ZSCAN31: variants seen among roughly 807,000 people sequenced by gnomAD.
The protein encoded by ZSCAN31 is zinc finger and SCAN domain-containing protein 31.
A neutral mutation model predicts 22.5 loss-of-function variants in ZSCAN31; 14 were observed. The ratio of observed to expected loss-of-function variants is 0.62; its 90% CI spans 0.41 to 0.97. The LOEUF (loss-of-function observed/expected upper bound fraction) is 0.97, where lower values mean the gene tolerates loss of function less well. ZSCAN31 is among the 50% of genes least tolerant of loss of function. The probability of loss-of-function intolerance (pLI) is 0.00; values close to 1 mark genes in which losing one functional copy is unlikely to be tolerated. For synonymous variants in ZSCAN31, 168 were observed against 169.8 expected, an observed-to-expected ratio of 0.99 and a Z score of 0.08; for missense variants, 424 against 483.4, an observed-to-expected ratio of 0.88 and a Z score of 1.15.
upstream of ZSCAN31, among the ~76,000 whole-genome samples, chr6:28,339,441 A>G (rs1764326640): frequency 6.6e-6 from 1 of 152,084 alleles, no homozygotes; most frequent in Admixed American, 6.6e-5. Flanking sequence ...GGCATGTGCC[A>G]CCACGCCTGG....
intron 2 of ZSCAN31, among the ~76,000 whole-genome samples, chr6:28,352,283 T>G (rs1395920684): frequency 6.6e-6 from 1 of 152,164 alleles, no homozygotes; most frequent in Non-Finnish European, 1.5e-5. Context: ...ATTGATGTAT[T>G]AAAAGTCCCA....
rs1203243606 is a variant in ZSCAN31, at chr6:28,325,881, G to T, written c.*285C>A. On this transcript the variant is annotated 3_prime_UTR_variant, in exon 4 of 4. Coordinates refer to ENST00000344279, the MANE Select transcript of ZSCAN31 (RefSeq NM_030899.5). ...GCCTTTAAAGGAAATCATAAGAAAT[G>T]GACCAAAGGCTAGGGAATAAGAAGG... is the stretch of plus-strand genomic sequence containing the variant. 3.7e-6 allele frequency: 1 copy of T among 270,684 alleles called. No individual in the cohort carries two copies. The highest frequency in any genetic ancestry group is 7.0e-6 in the Non-Finnish European group (1 of 141,946). The allele number at this position is 270,684 out of a possible 1,614,324, so 16.8% of individuals were successfully genotyped here. A position where few individuals can be genotyped will look rare whatever the true frequency, so the allele number is the denominator to read the frequency against.
intron 2 of ZSCAN31, among the ~76,000 whole-genome samples, chr6:28,348,821 T>C (rs541567286): frequency 5.5e-4 from 84 of 152,262 alleles, no homozygotes; most frequent in African/African-American, 1.9e-3. Context: ...TAGGAAGGAA[T>C]GATATCTTTA....
chr6:28,337,794 C>T (rs925043880), upstream of ZSCAN31: 7 of 152,288 alleles, frequency 4.6e-5, no homozygotes, highest in East Asian at 1.4e-3. Flanking sequence ...GGTGTAATAG[C>T]TCACGCCTGT....
At chr6:28,338,168 G>A (rs907795415), upstream of ZSCAN31, among the ~76,000 whole-genome samples, 2 of 152,122 alleles carry the variant, frequency 1.3e-5, no homozygotes, top group Non-Finnish European at 2.9e-5. Flanking sequence ...GGAGGCTGAG[G>A]CAGGCAGATT....
chr6:28,343,125 ACT>A (rs1764482773), intron 2 of ZSCAN31, among the ~76,000 whole-genome samples: 1 of 152,044 alleles, frequency 6.6e-6, no homozygotes, highest in African/African-American at 2.4e-5. Flanking sequence ...GTCCACAGAC[ACT>A]CTCTGCCTGC....
At chr6:28,341,602 C>T (rs1385630136) in intron 3 of ZSCAN31, 1 of 152,194 alleles carries the variant, frequency 6.6e-6, no homozygotes, top group African/African-American at 2.4e-5. Flanking sequence ...TCATGTCAGC[C>T]CTTCCCCCAA....
chr6:28,335,668 A>G (rs1764105171), intron 1 of ZSCAN31, among the ~76,000 whole-genome samples: 1 of 152,128 alleles, frequency 6.6e-6, no homozygotes, highest in South Asian at 2.1e-4. Context: ...AGCTGAGTCA[A>G]GCGTTCGCCA....
At chr6:28,356,009 G>C (rs1307722722), upstream of ZSCAN31, 1 of 152,284 alleles carries the variant, frequency 6.6e-6, no homozygotes, top group Non-Finnish European at 1.5e-5. Flanking sequence ...AGCGGCCGAT[G>C]CCGAGGTCCA....
At position 28,326,628 on chromosome 6, in the gene ZSCAN31, T is replaced by C. The variant is rs762807134; in HGVS notation, c.759A>G (p.Val253=). The C allele has an allele frequency of 1.2e-6, 2 of 1,613,990 alleles. No individual in the cohort carries two copies. The highest frequency in any genetic ancestry group is 1.3e-5 in the African/African-American group (1 of 74,896). Residue 253 remains valine (V), a synonymous_variant, in exon 4 of 4, where the codon GTA becomes GTG. Coordinates refer to ENST00000344279, the MANE Select transcript of ZSCAN31 (RefSeq NM_030899.5). ...TGTGGATTCTCTGGTGCTCAATGAGTACTGAACTCTTAGTGAAGCTTTTCC... is the reference window on the plus strand; with the variant it reads ...TGTGGATTCTCTGGTGCTCAATGAGCACTGAACTCTTAGTGAAGCTTTTCC... The part of the protein sequence containing the change: ...ECGKSFTKSS[V]LIEHQRIHTG...
In ZSCAN31 at chr6:28,344,125, G is replaced by A. The variant is rs187921918; in HGVS notation, c.-370-2333C>T. Among the ~76,000 whole-genome samples, 65 of 152,210 alleles carry A rather than the reference G, an allele frequency of 4.3e-4. 3 individuals carry two copies. The East Asian group carries it at 0.011, about 26-fold the overall frequency. ...CCACATGAGCAAAATGTGATATGTT[G>A]GAGGCCTTGATAAGATACATTTTCT... On this transcript the variant is annotated intron_variant, in intron 2 of 7. Coordinates refer to the ZSCAN31 transcript ENST00000396838.
chr6:28,329,734 T>G lies in ZSCAN31; in HGVS notation c.-51A>C. 6.5e-7 allele frequency: 1 copy of G among 1,537,316 alleles called. No homozygotes were observed. The highest frequency in any genetic ancestry group is 8.7e-7 in the Non-Finnish European group (1 of 1,146,222). On this transcript the variant is annotated 5_prime_UTR_variant, in exon 2 of 4. Transcript: ENST00000344279. ...CTCTGGCTTTAAGTAAAGGGATAAC[T>G]GTGATTTAAAATTTTCTGATTTAAT...
chr6:28,348,208 T>C (rs1764730860), intron 2 of ZSCAN31, among the ~76,000 whole-genome samples: 1 of 152,194 alleles, frequency 6.6e-6, no homozygotes, highest in South Asian at 2.1e-4. Context: ...TCTTTTGATA[T>C]AGTTTTAATT....
chr6:28,350,619 A>G (rs769880934), intron 2 of ZSCAN31, among the ~76,000 whole-genome samples: 6 of 152,216 alleles, frequency 3.9e-5, no homozygotes, highest in Non-Finnish European at 8.8e-5. Flanking sequence ...TAAGGTGCAG[A>G]GTAAGCATGA....
chr6:28,331,596 A>G lies in ZSCAN31; in HGVS notation c.-95-1818T>C, dbSNP rs962866953. On this transcript the variant is annotated intron_variant, in intron 1 of 3. Coordinates refer to ENST00000344279, the MANE Select transcript of ZSCAN31 (RefSeq NM_030899.5). This position sits in a 1 kb window ranked among gnomAD's most constrained non-coding sequence, Gnocchi z 4.8. ...TTTGTCAATGTCTAATGCCAAATGTATATCTTTTTACTCCTTACTGTAGCA... is the reference window on the plus strand; with the variant it reads ...TTTGTCAATGTCTAATGCCAAATGTGTATCTTTTTACTCCTTACTGTAGCA... Among the ~76,000 whole-genome samples, 1 of 151,448 alleles carries G rather than the reference A, an allele frequency of 6.6e-6. No homozygotes were observed. The highest frequency in any genetic ancestry group is 1.5e-5 in the Non-Finnish European group (1 of 68,046).
At chr6:28,338,716 T>C (rs1202482730), upstream of ZSCAN31, among the ~76,000 whole-genome samples, 1 of 152,218 alleles carries the variant, frequency 6.6e-6, no homozygotes, top group Non-Finnish European at 1.5e-5. Context: ...GCCTGACTCC[T>C]CTATAGTAAC....
chr6:28,329,353 C>G lies in ZSCAN31; in HGVS notation c.331G>C (p.Val111Leu). 1 of 1,609,538 alleles carries G rather than the reference C, an allele frequency of 6.2e-7. No individual in the cohort carries two copies. The highest frequency in any genetic ancestry group is 8.5e-7 in the Non-Finnish European group (1 of 1,178,148). The change falls in exon 2 of 4, where the codon GTG (valine) becomes CTG (leucine). Residue 111 changes from valine (V) to leucine (L), a missense_variant. Transcript: ENST00000344279. ...TGTTCCAGATCTTCAACTACAGCCA[C>G]AGCCTCCTCCCCACTCTCCGGATGG... ...EHHPESGEEA[V>L]AVVEDLEQEL... is the part of the protein sequence containing the mutation.
chr6:28,334,568 C>T (rs1554142163), intron 1 of ZSCAN31, among the ~76,000 whole-genome samples: 2 of 152,138 alleles, frequency 1.3e-5, no homozygotes, highest in Non-Finnish European at 2.9e-5. Context: ...GACAAGAAAA[C>T]AGAAGAAGAC....
chr6:28,326,630 C>T lies in ZSCAN31; in HGVS notation c.757G>A (p.Val253Ile), dbSNP rs764162484. ...TGGATTCTCTGGTGCTCAATGAGTA[C>T]TGAACTCTTAGTGAAGCTTTTCCCA... ...ECGKSFTKSS[V>I]LIEHQRIHTG... The change falls in exon 4 of 4, where the codon GTA becomes ATA. Residue 253 changes from valine to isoleucine, a missense_variant. Val to Ile is a conservative substitution (Grantham distance 29, BLOSUM62 3). Transcript: ENST00000344279. 2 of 1,614,154 alleles carry T rather than the reference C, an allele frequency of 1.2e-6. No homozygotes were observed. Among genetic ancestry groups the T allele is most frequent in the South Asian group, 2.2e-5 (2 of 91,086 alleles).
Sources: allele counts gnomAD v4.1 joint callset (sites outside exome capture counted in the v4.1 genomes callset), GRCh38; gene constraint gnomAD v4.1.1; non-coding constraint Gnocchi (gnomAD v3.1); transcripts MANE v1.5; gene names NCBI Gene and HGNC (gene_info 2026-07-23, HGNC 2026-07-21).